NCAPH: variants seen among roughly 807,000 people sequenced by gnomAD.
NCAPH encodes the protein non-SMC condensin I complex subunit H.
A neutral mutation model predicts 85.5 loss-of-function variants in NCAPH; 38 were observed. That is an observed-to-expected ratio of 0.44 (90% CI 0.34 to 0.58). NCAPH has a LOEUF of 0.58. Ranked by LOEUF, NCAPH falls within the 20% of genes least tolerant of loss-of-function variation. The pLI is 0.01. For missense variants in NCAPH, 789 were observed against 916.6 expected (o/e 0.86, Z 1.80); for synonymous variants, 301 against 335.1 (o/e 0.90, Z 1.11).
chr2:96,358,505 G>A (rs1179437734), intron 9 of NCAPH, among the ~76,000 whole-genome samples: 3 of 151,996 alleles, frequency 2.0e-5, no homozygotes, highest in Non-Finnish European at 4.4e-5. Flanking sequence ...GTCTCACTCT[G>A]TCACCCAGGC....
intron 17 of NCAPH, among the ~76,000 whole-genome samples, chr2:96,370,871 G>T (rs1329311230): frequency 6.6e-6 from 1 of 152,148 alleles, no homozygotes; most frequent in Admixed American, 6.5e-5. Context: ...CCTTGGGAAT[G>T]GTTTTAACCC....
intron 1 of NCAPH, 59 bp downstream of exon 1, chr2:96,335,907 G>A (rs562733862): frequency 8.5e-6 from 12 of 1,412,266 alleles, no homozygotes; most frequent in African/African-American, 6.1e-5. Context: ...AGTACTTCGG[G>A]CGGGCAGGGC....
chr2:96,371,436 A>T (rs974169969), intron 17 of NCAPH, among the ~76,000 whole-genome samples: 2 of 152,212 alleles, frequency 1.3e-5, no homozygotes, highest in African/African-American at 4.8e-5. Flanking sequence ...GAGCGGCTTC[A>T]TGGCCCTCAC....
Position 96,353,365 on chromosome 2 carries a change from T to C in NCAPH, c.970T>C (p.Phe324Leu), listed in dbSNP as rs375425316. 5 of 1,614,204 alleles carry C rather than the reference T, an allele frequency of 3.1e-6. No homozygotes were observed. Among genetic ancestry groups the C allele is most frequent in the Non-Finnish European group, 3.4e-6 (4 of 1,180,018 alleles). ...CTGCCCTTCCCTGGCCGGGTTCCAG[T>C]TTACACAGTGGGACAGTGAAACACA... ...QICPSLAGFQ[F>L]TQWDSETHNE... The change falls in exon 8 of 18, where the codon TTT becomes CTT. Residue 324 changes from phenylalanine (F) to leucine (L), a missense_variant. Phe to Leu is a conservative substitution (Grantham distance 22, BLOSUM62 0). Transcript: ENST00000240423.
intron 6 of NCAPH, among the ~76,000 whole-genome samples, chr2:96,349,670 C>T (rs188107499): frequency 1.3e-5 from 2 of 152,294 alleles, no homozygotes; most frequent in East Asian, 3.9e-4. Flanking sequence ...GGTGTAAACT[C>T]TCATTTTCTT....
At chr2:96,353,282 T>G (rs372388660) in intron 7 of NCAPH, 24 bp from the exon 8 acceptor site, 84 of 1,603,006 alleles carry the variant, frequency 5.2e-5, no homozygotes, top group Non-Finnish European at 6.8e-5. Context: ...TAATCTCTCT[T>G]TGTGATCTTG....
intron 10 of NCAPH, 95 bp downstream of exon 10, chr2:96,359,288 C>T: frequency 6.9e-7 from 1 of 1,455,502 alleles, no homozygotes; most frequent in South Asian, 1.3e-5. Context: ...AGTCACAGCC[C>T]TGTTGTGTCT....
chr2:96,359,244 G>A, intron 10 of NCAPH, 51 bp downstream of exon 10: 1 of 1,597,562 alleles, frequency 6.3e-7, no homozygotes, highest in South Asian at 1.1e-5. Context: ...TAGATGACCA[G>A]CCAGTCAGCA....
At position 96,350,806 on chromosome 2, in the gene NCAPH, A is replaced by G. The variant is rs751310911; in HGVS notation, c.721-1025A>G. Among the ~76,000 whole-genome samples, 39 of 152,262 alleles carry G rather than the reference A, an allele frequency of 2.6e-4. 1 individual carries two copies. Among genetic ancestry groups the G allele is most frequent in the Non-Finnish European group, 2.9e-4 (20 of 68,008 alleles). ...GTCCTATCCAAGCCCCTCTCTCTCC[A>G]TAGTAGCCACGTTCTGAGGCATCAG... On this transcript the variant is annotated intron_variant, in intron 6 of 17. Coordinates refer to ENST00000240423, the MANE Select transcript of NCAPH (RefSeq NM_015341.5).
In NCAPH at chr2:96,353,357, G is replaced by A. The variant is rs201930721; in HGVS notation, c.962G>A (p.Gly321Glu). The change falls in exon 8 of 18, where the codon GGG (glycine) becomes GAG (glutamate). Residue 321 changes from glycine (G) to glutamate (E), a missense_variant. By Grantham distance (98) the Gly-to-Glu change is moderately conservative. Transcript: ENST00000240423. ...CGCCAGATCTGCCCTTCCCTGGCCG[G>A]GTTCCAGTTTACACAGTGGGACAGT... ...EDRQICPSLA[G>E]FQFTQWDSET... 9.4e-5 allele frequency: 151 copies of A among 1,614,220 alleles called. No homozygotes were observed. Among genetic ancestry groups the A allele is most frequent in the Non-Finnish European group, 1.2e-4 (137 of 1,180,040 alleles).
chr2:96,343,943 C>A (rs2064329600), intron 5 of NCAPH, among the ~76,000 whole-genome samples, 162 bp from the exon 6 acceptor site: 1 of 152,162 alleles, frequency 6.6e-6, no homozygotes, highest in Non-Finnish European at 1.5e-5. Context: ...CTCAAGTGAT[C>A]CGTCTGCCTC....
intron 16 of NCAPH, 111 bp from the exon 17 acceptor site, chr2:96,369,314 A>AT: frequency 1.0e-6 from 1 of 984,194 alleles, no homozygotes; most frequent in Non-Finnish European, 1.6e-6. Context: ...CATCTGAAAG[A>AT]TTTGTTTCTC....
intron 6 of NCAPH, among the ~76,000 whole-genome samples, chr2:96,350,711 C>A (rs1404853723): frequency 6.6e-6 from 1 of 152,098 alleles, no homozygotes; most frequent in Non-Finnish European, 1.5e-5. Flanking sequence ...AGGAGCTGAA[C>A]CTCAGTTCTG....
rs1350051175 is a variant in NCAPH at position 96,374,814 on chromosome 2, A to G, written c.*1463A>G. On this transcript the variant is annotated 3_prime_UTR_variant, in exon 18 of 18. Coordinates refer to ENST00000240423, the MANE Select transcript of NCAPH (RefSeq NM_015341.5). ...GTGCTGGGCTTCTTGCTTTCCTTCT[A>G]TTCCTGAGAGTAGAACTGGCTAAGC... Among the ~76,000 whole-genome samples, 1 of 152,124 alleles carries G rather than the reference A, an allele frequency of 6.6e-6. No individual in the cohort carries two copies. The highest frequency in any genetic ancestry group is 1.9e-4 in the East Asian group (1 of 5,196).
intron 4 of NCAPH, 118 bp downstream of exon 4, chr2:96,342,966 T>A (rs776629668): frequency 6.1e-6 from 7 of 1,154,238 alleles, no homozygotes; most frequent in Non-Finnish European, 8.7e-6. Context: ...AGATGTTATG[T>A]TAGTTAATTT....
At chr2:96,358,669 T>C (rs534910224) in intron 9 of NCAPH, among the ~76,000 whole-genome samples, 91 of 152,268 alleles carry the variant, frequency 6.0e-4, no homozygotes, top group African/African-American at 1.9e-3. Flanking sequence ...GGCGTTTCAC[T>C]GTGTTAGCCA....
At chr2:96,345,492 G>C (rs936733914) in intron 6 of NCAPH, among the ~76,000 whole-genome samples, 4 of 152,214 alleles carry the variant, frequency 2.6e-5, no homozygotes, top group Non-Finnish European at 5.9e-5. Flanking sequence ...ACACTGCTGG[G>C]TGACGCTCTC....
Position 96,354,368 on chromosome 2 carries a change from C to G in NCAPH, c.1188C>G (p.Pro396=). ...AAGAGTTCAGGAGCTGGAAGGAGCC[C>G]TGCCAGGTTCAGAGCTGCCAGTAAG... is the stretch of plus-strand genomic sequence containing the variant. ...DHEEFRSWKE[P]CQVQSCQEEM... Residue 396 remains proline, a synonymous_variant, in exon 9 of 18, where the codon CCC becomes CCG. Transcript: ENST00000240423. 6.2e-7 allele frequency: 1 copy of G among 1,600,962 alleles called. No homozygotes were observed. Among genetic ancestry groups the G allele is most frequent in the South Asian group, 1.1e-5 (1 of 89,268 alleles).
chr2:96,342,087 A>G lies in NCAPH; in HGVS notation c.310A>G (p.Asn104Asp). ...DISATIPKFT[N>D]TQITEHYSTC... is the part of the protein sequence containing the mutation. ...TTCAGCTACTATCCCCAAGTTTACAAACACGCAGATTACGGAACATTACTC... is the reference window on the plus strand; with the variant it reads ...TTCAGCTACTATCCCCAAGTTTACAGACACGCAGATTACGGAACATTACTC... Residue 104 changes from asparagine to aspartate, a missense_variant, in exon 3 of 18, where the codon AAC becomes GAC. By Grantham distance (23) the Asn-to-Asp change is conservative. Coordinates refer to ENST00000240423, the MANE Select transcript of NCAPH (RefSeq NM_015341.5). 2.5e-6 allele frequency: 4 copies of G among 1,613,304 alleles called. No homozygotes were observed. The highest frequency in any genetic ancestry group is 3.4e-6 in the Non-Finnish European group (4 of 1,179,220).
Sources: allele counts gnomAD v4.1 joint callset (sites outside exome capture counted in the v4.1 genomes callset), GRCh38; gene constraint gnomAD v4.1.1; transcripts MANE v1.5; gene names NCBI Gene and HGNC (gene_info 2026-07-23, HGNC 2026-07-21).